The following EYS variants were observed in gnomAD, a reference collection of about 807,000 sequenced individuals.
The protein encoded by EYS is EGF-like photoreceptor maintenance factor, also known as protein eyes shut homolog.
EYS carries 250 observed loss-of-function variants against 282.1 expected under a neutral mutation model. The observed-to-expected ratio is 0.89, with a 90% CI of 0.80 to 0.98. The LOEUF is 0.98. Among genes scored for constraint, EYS ranks in the 50% least tolerant of loss-of-function variants. The probability of loss-of-function intolerance (pLI) is 0.00; values close to 1 mark genes in which losing one functional copy is unlikely to be tolerated. For missense variants in EYS, 4,016 were observed against 3,709.0 expected, an observed-to-expected ratio of 1.08 and a Z score of -2.15; for synonymous variants, 1,355 against 1,282.9, an observed-to-expected ratio of 1.06 and a Z score of -1.20.
At position 65,297,321 on chromosome 6, in the gene EYS, C is replaced by T. The variant is rs546775664; in HGVS notation, c.1767-1202G>A. On this transcript the variant is annotated intron_variant, in intron 11 of 42. Coordinates refer to ENST00000503581, the MANE Select transcript of EYS (RefSeq NM_001142800.2). ...AGAAAAGCAATGTCAAATCACTTTGCTTGTTATTATTAATAAAAATTAACC... is the reference window on the plus strand; with the variant it reads ...AGAAAAGCAATGTCAAATCACTTTGTTTGTTATTATTAATAAAAATTAACC... 3.3e-5 allele frequency among the ~76,000 whole-genome samples: 5 copies of T among 151,926 alleles called. No individual in the cohort carries two copies. In the East Asian group the frequency reaches 5.8e-4, roughly 18 times the overall value.
chr6:63,854,267 T>C (rs1340700296), intron 36 of EYS, among the ~76,000 whole-genome samples: 1 of 152,176 alleles, frequency 6.6e-6, no homozygotes, highest in East Asian at 1.9e-4. Flanking sequence ...TGGAATACTA[T>C]GTAGCCATAA....
chr6:64,903,053 A>C (rs190494220), intron 16 of EYS, among the ~76,000 whole-genome samples: 1 of 152,128 alleles, frequency 6.6e-6, no homozygotes, highest in African/African-American at 2.4e-5. Context: ...ACAGGCTGAT[A>C]AACAAGACAG....
chr6:64,506,008 C>T (rs1562030840), intron 26 of EYS, among the ~76,000 whole-genome samples: 1 of 152,244 alleles, frequency 6.6e-6, no homozygotes, highest in Admixed American at 6.5e-5. Context: ...TTCAACATCA[C>T]CTTCGCACCT....
intron 36 of EYS, among the ~76,000 whole-genome samples, chr6:63,839,181 T>C (rs963844700): frequency 6.6e-6 from 1 of 152,230 alleles, no homozygotes; most frequent in Non-Finnish European, 1.5e-5. Context: ...AACTTTTCTT[T>C]TGTATCCATT....
rs117431404 is a variant in EYS at position 64,658,456 on chromosome 6, C to T, written c.3444-32211G>A. Among the ~76,000 whole-genome samples, 235 of 152,256 alleles carry T rather than the reference C, an allele frequency of 1.5e-3. 7 individuals are homozygous for T. In the East Asian group the frequency reaches 0.036, roughly 23 times the overall value. ...ATTTTTAGAGTTTCCAGTTTTTCTG[C>T]TCTCTGTTTTTTCCCCATCTTTGTG... On this transcript the variant is annotated intron_variant, in intron 22 of 42. Transcript: ENST00000503581.
At chr6:65,182,067 G>T (rs1369442577) in intron 12 of EYS, among the ~76,000 whole-genome samples, 12 of 151,824 alleles carry the variant, frequency 7.9e-5, no homozygotes, top group Non-Finnish European at 4.4e-5. Flanking sequence ...TTGGGTAGGG[G>T]TAGGGGGGAG....
chr6:65,668,135 C>T (rs1320265597), intron 1 of EYS, among the ~76,000 whole-genome samples: 1 of 151,770 alleles, frequency 6.6e-6, no homozygotes, highest in African/African-American at 2.4e-5. Context: ...TTATTTTGGG[C>T]TATCATATTT....
chr6:65,086,114 A>G (rs1355951015), intron 12 of EYS, among the ~76,000 whole-genome samples: 1 of 151,832 alleles, frequency 6.6e-6, no homozygotes, highest in Non-Finnish European at 1.5e-5. Flanking sequence ...GATGATGGCA[A>G]AAAGAAGACT....
chr6:65,172,623 G>T (rs1460433534), intron 12 of EYS, among the ~76,000 whole-genome samples: 1 of 151,156 alleles, frequency 6.6e-6, no homozygotes, highest in African/African-American at 2.4e-5. Flanking sequence ...AGCTATTCAA[G>T]TAGAAAACAG....
intron 31 of EYS, among the ~76,000 whole-genome samples, chr6:64,197,734 T>C (rs1331930829): frequency 6.6e-6 from 1 of 151,172 alleles, no homozygotes; most frequent in Non-Finnish European, 1.5e-5. Context: ...ATCTATTTAG[T>C]GGTTTTTACT....
At chr6:64,010,076 A>C (rs1768536766) in intron 33 of EYS, among the ~76,000 whole-genome samples, 1 of 151,220 alleles carries the variant, frequency 6.6e-6, no homozygotes, top group African/African-American at 2.4e-5. Flanking sequence ...CTGGTACCAG[A>C]CTCCTGGCTT....
chr6:65,336,606 T>G (rs921143663), intron 10 of EYS, among the ~76,000 whole-genome samples: 1 of 148,516 alleles, frequency 6.7e-6, no homozygotes, highest in East Asian at 1.9e-4. Flanking sequence ...GAAAATCTAT[T>G]TGTGGTTTTG....
At chr6:64,046,129 G>A (rs891969784) in intron 33 of EYS, among the ~76,000 whole-genome samples, 7 of 148,002 alleles carry the variant, frequency 4.7e-5, no homozygotes, top group East Asian at 2.0e-4. Flanking sequence ...ATTTAAATAC[G>A]TTAGAAATAT....
intron 13 of EYS, among the ~76,000 whole-genome samples, chr6:65,035,178 AC>A (rs537711094): frequency 6.6e-6 from 1 of 152,034 alleles, no homozygotes; most frequent in Non-Finnish European, 1.5e-5. Flanking sequence ...CATGTTAAAA[AC>A]CCTCAACACA....
intron 31 of EYS, among the ~76,000 whole-genome samples, chr6:64,213,633 A>G (rs891876152): frequency 2.0e-5 from 3 of 152,184 alleles, no homozygotes; most frequent in Non-Finnish European, 2.9e-5. Context: ...TTTGAATTAA[A>G]TGTAGATAAC....
chr6:64,566,446 T>C (rs180954826), intron 26 of EYS, among the ~76,000 whole-genome samples: 28 of 152,282 alleles, frequency 1.8e-4, no homozygotes, highest in Admixed American at 5.9e-4. Flanking sequence ...AGTATCATCA[T>C]TGATGTTAAT....
intron 22 of EYS, among the ~76,000 whole-genome samples, chr6:64,752,535 AG>A (rs1772793253): frequency 1.3e-5 from 2 of 152,162 alleles, no homozygotes; most frequent in Admixed American, 1.3e-4. Flanking sequence ...TATGAGTCAT[AG>A]GTATTGCTGA....
chr6:64,434,747 T>C (rs1774683796), intron 28 of EYS, among the ~76,000 whole-genome samples: 1 of 152,122 alleles, frequency 6.6e-6, no homozygotes, highest in East Asian at 1.9e-4. Flanking sequence ...TAATTGTTTA[T>C]AGGAATACAT....
At chr6:64,110,072 T>C (rs1057483166) in intron 31 of EYS, among the ~76,000 whole-genome samples, 1 of 152,066 alleles carries the variant, frequency 6.6e-6, no homozygotes, top group Admixed American at 6.6e-5. Flanking sequence ...TAACAGAATA[T>C]AGGCTTCTGT....
Sources: gnomAD v4.1 joint callset for allele counts (sites outside exome capture counted in the v4.1 genomes callset) on GRCh38, gnomAD v4.1.1 for gene constraint, MANE v1.5 for transcripts, NCBI Gene and HGNC (gene_info 2026-07-23, HGNC 2026-07-21) for gene names.